The following MTMR7 variants were observed in gnomAD, a reference collection of about 807,000 sequenced individuals.
The protein encoded by MTMR7 is myotubularin related protein 7.
MTMR7 carries 76 observed loss-of-function variants against 81.2 expected under a neutral mutation model. That is an observed-to-expected ratio of 0.94 (90% CI 0.78 to 1.13). The LOEUF is 1.13. Ranked by LOEUF, MTMR7 falls within the 50% of genes most tolerant of loss-of-function variation. MTMR7 has a pLI of 0.00. For missense variants in MTMR7, 1,044 were observed against 820.0 expected (o/e 1.27, Z -3.34); for synonymous variants, 372 against 289.8 (o/e 1.28, Z -2.88).
At chr8:17,410,699 A>G (rs73553313) in intron 1 of MTMR7, among the ~76,000 whole-genome samples, 114 of 152,354 alleles carry the variant, frequency 7.5e-4, no homozygotes, top group African/African-American at 2.6e-3. Context: ...ATATGTGCAA[A>G]GCATTCCAGA....
chr8:17,370,516 C>G (rs139664409), intron 3 of MTMR7, among the ~76,000 whole-genome samples: 2,322 of 134,768 alleles, frequency 0.017, 22 homozygotes, highest in Middle Eastern at 0.056. Context: ...GATTGCACCA[C>G]TGCACTTCCA....
intron 1 of MTMR7, among the ~76,000 whole-genome samples, chr8:17,385,185 C>T (rs115878812): frequency 1.4e-3 from 206 of 152,262 alleles, no homozygotes; most frequent in African/African-American, 4.6e-3. Context: ...CCAAATTTCA[C>T]GTCAAATTGT....
At position 17,297,622 on chromosome 8, in the gene MTMR7, A is replaced by C. The variant is rs1816786906; in HGVS notation, c.*2240T>G. The C allele has an allele frequency of 6.6e-6, 1 of 152,072 alleles. No individual in the cohort carries two copies. The highest frequency in any genetic ancestry group is 6.6e-5 in the Admixed American group (1 of 15,260). The allele number at this position is 152,072 out of a possible 1,614,324, so 9.4% of individuals were successfully genotyped here. ...TTCTATATATTACTAATTGGGAAGT[A>C]ATATGCCTCAAATCAGTTTTATACT... On this transcript the variant is annotated 3_prime_UTR_variant, in exon 14 of 14. Transcript: ENST00000180173.
chr8:17,380,307 G>A (rs1486428521), intron 1 of MTMR7, among the ~76,000 whole-genome samples: 1 of 152,166 alleles, frequency 6.6e-6, no homozygotes, highest in Non-Finnish European at 1.5e-5. Flanking sequence ...CGACATCCAT[G>A]CACTGCACAA....
At chr8:17,385,002 A>G (rs57479672) in intron 1 of MTMR7, among the ~76,000 whole-genome samples, 4,568 of 152,316 alleles carry the variant, frequency 0.03, 236 homozygotes, top group African/African-American at 0.11. Context: ...TATAATGAAG[A>G]AAAAATGCTG....
chr8:17,371,058 G>T lies in MTMR7; in HGVS notation c.289C>A (p.Leu97Met). ...ERDCHDVYIS[L>M]IRLARPVKYE... ...CTACCTGGCCTTGCAAGGCGTATCA[G>T]GGAGATGTACACGTCGTGGCAATCT... Residue 97 changes from leucine (L) to methionine (M), a missense_variant, in exon 3 of 14, where the codon CTG (leucine) becomes ATG (methionine). Transcript: ENST00000180173. 1.2e-6 allele frequency: 2 copies of T among 1,613,936 alleles called. No homozygotes were observed. The highest frequency in any genetic ancestry group is 1.7e-6 in the Non-Finnish European group (2 of 1,179,888).
intron 4 of MTMR7, among the ~76,000 whole-genome samples, chr8:17,355,305 T>C (rs1819857095): frequency 6.6e-6 from 1 of 152,200 alleles, no homozygotes; most frequent in South Asian, 2.1e-4. Flanking sequence ...ATTAGTCTGA[T>C]TACATGAGTC....
Position 17,379,405 on chromosome 8 carries a change from A to C in MTMR7, c.25-6165T>G, listed in dbSNP as rs148655261. Among the ~76,000 whole-genome samples the C allele has an allele frequency of 3.2e-3, 494 of 152,308 alleles. 2 individuals are homozygous for C. The highest frequency in any genetic ancestry group is 0.011 in the African/African-American group (467 of 41,560). The stretch of plus-strand genomic sequence containing the variant: ...TTTCAGAAGCAACTGGCACGTCAAG[A>C]CATTTGAAGGAAAGATGCCTGTTAG... On this transcript the variant is annotated intron_variant, in intron 1 of 13. Transcript: ENST00000180173.
chr8:17,317,450 A>G (rs1024049129), intron 7 of MTMR7, among the ~76,000 whole-genome samples: 1 of 152,170 alleles, frequency 6.6e-6, no homozygotes, highest in Non-Finnish European at 1.5e-5. Context: ...TCATTCTTCC[A>G]TACTTACACT....
At chr8:17,329,388 A>G (rs750548833) in intron 7 of MTMR7, among the ~76,000 whole-genome samples, 4 of 152,240 alleles carry the variant, frequency 2.6e-5, no homozygotes, top group African/African-American at 4.8e-5. Context: ...TGGAAAAGTT[A>G]CGTGCAAGCA....
At chr8:17,405,434 T>A (rs975220896) in intron 1 of MTMR7, among the ~76,000 whole-genome samples, 2 of 152,182 alleles carry the variant, frequency 1.3e-5, no homozygotes, top group African/African-American at 4.8e-5. Flanking sequence ...TCCATATGGA[T>A]GCTGCACAGA....
chr8:17,407,624 C>T (rs1047366993), intron 1 of MTMR7, among the ~76,000 whole-genome samples: 1 of 151,614 alleles, frequency 6.6e-6, no homozygotes, highest in Non-Finnish European at 1.5e-5. Context: ...ACATAACCTT[C>T]TAAAAGTATG....
chr8:17,307,944 G>A (rs1241700214), intron 10 of MTMR7, among the ~76,000 whole-genome samples: 1 of 151,798 alleles, frequency 6.6e-6, no homozygotes, highest in Non-Finnish European at 1.5e-5. Context: ...GCTAAATGAC[G>A]AGTTAATGGG....
At chr8:17,406,693 C>A (rs943060834) in intron 1 of MTMR7, among the ~76,000 whole-genome samples, 3 of 152,060 alleles carry the variant, frequency 2.0e-5, no homozygotes, top group Admixed American at 2.0e-4. Context: ...AACTTATCAC[C>A]GAAGTTTATA....
intron 1 of MTMR7, among the ~76,000 whole-genome samples, chr8:17,412,885 G>T (rs919945935): frequency 6.6e-6 from 1 of 152,162 alleles, no homozygotes; most frequent in Non-Finnish European, 1.5e-5. Flanking sequence ...ACCTGTCACC[G>T]AAAGGCTTAT....
At chr8:17,336,305 T>G (rs1052930130) in intron 6 of MTMR7, among the ~76,000 whole-genome samples, 1 of 152,096 alleles carries the variant, frequency 6.6e-6, no homozygotes, top group African/African-American at 2.4e-5. Context: ...TGGCTCATGC[T>G]CAACTTCCTT....
intron 7 of MTMR7, among the ~76,000 whole-genome samples, chr8:17,329,396 G>A (rs1287356951): frequency 6.6e-6 from 1 of 152,220 alleles, no homozygotes; most frequent in African/African-American, 2.4e-5. Flanking sequence ...TTACGTGCAA[G>A]CACCATGTTC....
chr8:17,378,094 A>G (rs1307731819), intron 1 of MTMR7, among the ~76,000 whole-genome samples: 1 of 152,162 alleles, frequency 6.6e-6, no homozygotes, highest in Admixed American at 6.5e-5. Context: ...TTAGAATACT[A>G]CCATTGAGAT....
chr8:17,337,781 C>CA (rs1335988821), intron 6 of MTMR7, among the ~76,000 whole-genome samples: 1 of 152,086 alleles, frequency 6.6e-6, no homozygotes, highest in African/African-American at 2.4e-5. Context: ...ACATCCAGCT[C>CA]ATTTTTTTCT....
Sources: allele counts gnomAD v4.1 joint callset (sites outside exome capture counted in the v4.1 genomes callset), GRCh38; gene constraint gnomAD v4.1.1; transcripts MANE v1.5; gene names NCBI Gene and HGNC (gene_info 2026-07-23, HGNC 2026-07-21).